The following TMEM114 variants were observed in gnomAD, a reference collection of about 807,000 sequenced individuals.
The protein encoded by TMEM114 is transmembrane protein 114.
A neutral mutation model predicts 6.2 loss-of-function variants in TMEM114; 6 were observed. The ratio of observed to expected loss-of-function variants is 0.97; its 90% confidence interval spans 0.53 to 1.91. The LOEUF (loss-of-function observed/expected upper bound fraction) is 1.91, where lower values mean the gene tolerates loss of function less well. Among genes scored for constraint, TMEM114 ranks in the 40% most tolerant of loss-of-function variants. The probability of loss-of-function intolerance (pLI) is 0.01; values close to 1 mark genes in which losing one functional copy is unlikely to be tolerated. For missense variants in TMEM114, 218 were observed against 158.3 expected (o/e 1.38, Z -2.02); for synonymous variants, 104 against 73.0 (o/e 1.42, Z -2.16).
intron 2 of TMEM114, among the ~76,000 whole-genome samples, chr16:8,554,490 C>G (rs1900945583): frequency 6.6e-6 from 1 of 152,162 alleles, no homozygotes; most frequent in African/African-American, 2.4e-5. Flanking sequence ...CCCTTCATAG[C>G]ACTTATCTCC....
rs376093162 is a variant in TMEM114, at chr16:8,553,437, C to T, written n.213-15611G>A. Among the ~76,000 whole-genome samples the T allele has an allele frequency of 5.3e-5, 8 of 152,190 alleles. No homozygotes were observed. In the East Asian group the frequency reaches 9.6e-4, roughly 18 times the overall value. On this transcript the variant is annotated intron_variant and non_coding_transcript_variant, in intron 2 of 2. Transcript: ENST00000623677. ...GGGGGGACTGAGTCTCACTCTGTTG[C>T]CCAGGCTGGAGTGCAGTGGCACTAT...
chr16:8,545,101 T>C (rs1051777215), intron 2 of TMEM114, among the ~76,000 whole-genome samples: 5 of 152,316 alleles, frequency 3.3e-5, no homozygotes, highest in African/African-American at 9.6e-5. Flanking sequence ...CCTTTCTCTT[T>C]TCTTTCTAGT....
intron 2 of TMEM114, among the ~76,000 whole-genome samples, chr16:8,545,065 T>C (rs1900620646): frequency 6.6e-6 from 1 of 152,180 alleles, no homozygotes; most frequent in Non-Finnish European, 1.5e-5. Context: ...GGTCTTGTCT[T>C]TTGTTTCATC....
intron 2 of TMEM114, among the ~76,000 whole-genome samples, chr16:8,552,187 C>G (rs1343883454): frequency 6.9e-6 from 1 of 145,916 alleles, no homozygotes; most frequent in East Asian, 2.0e-4. Flanking sequence ...CCAGCCTGGG[C>G]AACACAGCAA....
At position 8,589,989 on chromosome 16, in the gene TMEM114, C is replaced by A. The variant is rs1902435053; in HGVS notation, c.-151G>T. 2.6e-6 allele frequency: 1 copy of A among 384,072 alleles called. No individual in the cohort carries two copies. The highest frequency in any genetic ancestry group is 1.4e-4 in the South Asian group (1 of 6,920). 23.8% of individuals were successfully genotyped at this position (384,072 alleles called of 1,614,324 possible). A position where few individuals can be genotyped will look rare whatever the true frequency, so the allele number is the denominator to read the frequency against. ...GATCTGAAAGCCTTTCCTTTGGACC[C>A]CGGGCCCTAGCTTAGACCCTGGCTC... On this transcript the variant is annotated 5_prime_UTR_variant, in exon 1 of 4. Transcript: ENST00000620492.
At chr16:8,573,142 G>C (rs967227896) in intron 2 of TMEM114, among the ~76,000 whole-genome samples, 4 of 152,140 alleles carry the variant, frequency 2.6e-5, no homozygotes, top group Non-Finnish European at 5.9e-5. Flanking sequence ...AAGCTTTTTG[G>C]GGGAGCAGGG....
At chr16:8,559,125 C>G (rs1901116332) in intron 2 of TMEM114, among the ~76,000 whole-genome samples, 1 of 152,246 alleles carries the variant, frequency 6.6e-6, no homozygotes, top group Non-Finnish European at 1.5e-5. Flanking sequence ...TCACTGCAAC[C>G]TCTTCTTCCC....
At chr16:8,572,285 A>G (rs1317876846) in intron 2 of TMEM114, 61 bp from the exon 3 acceptor site, 9 of 1,541,796 alleles carry the variant, frequency 5.8e-6, no homozygotes, top group Non-Finnish European at 7.9e-6. Flanking sequence ...TCATTCAATC[A>G]ACAAACACTT....
At chr16:8,551,470 G>C (rs533812089) in intron 2 of TMEM114, among the ~76,000 whole-genome samples, 1 of 152,230 alleles carries the variant, frequency 6.6e-6, no homozygotes, top group East Asian at 1.9e-4. Context: ...AAAATGTCAA[G>C]GCCAAATTAG....
chr16:8,564,221 G>GTGCA (rs1901426955), intron 2 of TMEM114, among the ~76,000 whole-genome samples: 2 of 15,470 alleles, frequency 1.3e-4, no homozygotes, highest in Admixed American at 1.4e-3. Flanking sequence ...GAGTGAGTTA[G>GTGCA]TGAATGAGTG....
intron 2 of TMEM114, among the ~76,000 whole-genome samples, chr16:8,538,523 T>C (rs896707520): frequency 6.6e-6 from 1 of 152,050 alleles, no homozygotes. Flanking sequence ...TTTGTTTTTT[T>C]TTGAGACAGA....
intron 2 of TMEM114, among the ~76,000 whole-genome samples, chr16:8,588,604 G>C (rs2141704989): frequency 6.6e-6 from 1 of 152,256 alleles, no homozygotes; most frequent in Non-Finnish European, 1.5e-5. Context: ...CTGAGTTCCA[G>C]GCACTGAGCT....
the TMEM114 span, among the ~76,000 whole-genome samples, chr16:8,528,025 C>A: frequency 6.6e-6 from 1 of 152,132 alleles, no homozygotes; most frequent in East Asian, 1.9e-4. Flanking sequence ...TCTCCCGCCT[C>A]AGCTTCCTGC....
chr16:8,562,193 T>A (rs1336634064), intron 2 of TMEM114, among the ~76,000 whole-genome samples: 1 of 150,850 alleles, frequency 6.6e-6, no homozygotes, highest in African/African-American at 2.5e-5. Context: ...AGTGAGTGAG[T>A]GAATGAGTCA....
At chr16:8,588,024 A>C (rs1902368847) in intron 2 of TMEM114, among the ~76,000 whole-genome samples, 1 of 151,982 alleles carries the variant, frequency 6.6e-6, no homozygotes, top group African/African-American at 2.4e-5. Flanking sequence ...AGTGGCTCAC[A>C]CCTGTAATCC....
Position 8,590,126 on chromosome 16 carries a change from C to T in TMEM114, c.-288G>A, listed in dbSNP as rs1026170647. On this transcript the variant is annotated 5_prime_UTR_variant, in exon 1 of 4. Transcript: ENST00000620492. Reference sequence around the variant, plus strand: ...CCCCCTCACTCTCACTTGTGCTGTCCGACCTCCACCTCCGCCTTCAGACCC... The same window carrying T: ...CCCCCTCACTCTCACTTGTGCTGTCTGACCTCCACCTCCGCCTTCAGACCC... 3.1e-6 allele frequency: 1 copy of T among 327,514 alleles called. No individual in the cohort carries two copies. The highest frequency in any genetic ancestry group is 5.5e-6 in the Non-Finnish European group (1 of 180,768). The allele number at this position is 327,514 out of a possible 1,614,324, so 20.3% of individuals were successfully genotyped here.
the TMEM114 span, among the ~76,000 whole-genome samples, chr16:8,530,312 G>T: frequency 6.6e-6 from 1 of 152,234 alleles, no homozygotes; most frequent in Non-Finnish European, 1.5e-5. Context: ...CGGAGACCTG[G>T]CTCCACATGG....
At chr16:8,586,802 G>A (rs1320247236) in intron 2 of TMEM114, among the ~76,000 whole-genome samples, 3 of 152,088 alleles carry the variant, frequency 2.0e-5, no homozygotes, top group East Asian at 3.9e-4. Flanking sequence ...GAGCCACCAC[G>A]CCTGGCCGAA....
At chr16:8,548,853 G>C (rs993356026) in intron 2 of TMEM114, among the ~76,000 whole-genome samples, 1 of 152,168 alleles carries the variant, frequency 6.6e-6, no homozygotes, top group Non-Finnish European at 1.5e-5. Flanking sequence ...AATAAAGGGA[G>C]TGAGAGAGAG....
Sources: gnomAD v4.1 joint callset for allele counts (sites outside exome capture counted in the v4.1 genomes callset) on GRCh38, gnomAD v4.1.1 for gene constraint, MANE v1.5 for transcripts, NCBI Gene and HGNC (gene_info 2026-07-23, HGNC 2026-07-21) for gene names.